Variants in ZSWIM4 observed in about 807,000 individuals in gnomAD.
ZSWIM4 encodes the protein zinc finger SWIM-type containing 4, also known as zinc finger SWIM domain-containing protein 4.
ZSWIM4 carries 62 observed loss-of-function variants against 102.5 expected under a neutral mutation model. The ratio of observed to expected loss-of-function variants is 0.60; its 90% CI spans 0.49 to 0.75. The LOEUF (loss-of-function observed/expected upper bound fraction) is 0.75. Among genes scored for constraint, ZSWIM4 ranks in the 30% least tolerant of loss-of-function variants. The probability of loss-of-function intolerance (pLI) is 0.00; values close to 1 mark genes in which losing one functional copy is unlikely to be tolerated. For synonymous variants in ZSWIM4, 652 were observed against 674.5 expected, an observed-to-expected ratio of 0.97 and a Z score of 0.52; for missense variants, 1,280 against 1,529.6, an observed-to-expected ratio of 0.84 and a Z score of 2.72.
intron 2 of ZSWIM4, among the ~76,000 whole-genome samples, chr19:13,802,894 A>G (rs535062834): frequency 4.7e-4 from 72 of 152,278 alleles, no homozygotes; most frequent in African/African-American, 1.7e-3. Flanking sequence ...TCAGGTTAAG[A>G]TCAGCTGTGA....
chr19:13,811,964 A>G (rs1326296967), intron 5 of ZSWIM4, among the ~76,000 whole-genome samples: 4 of 151,830 alleles, frequency 2.6e-5, no homozygotes, highest in African/African-American at 9.7e-5. Flanking sequence ...AATCCCAGCT[A>G]CTTGGGAGGC....
chr19:13,830,603 C>T lies in ZSWIM4; in HGVS notation c.2874C>T (p.His958=). ...GCATCGCCTTCAACCAGGACAGCCA[C>T]CCTGCCGTCAACGACGTGCTTTGGG... ...QLSIAFNQDS[H]PAVNDVLWAC... Residue 958 remains histidine, a synonymous_variant, in exon 14 of 14, where the codon CAC becomes CAT. Transcript: ENST00000590508. 1 of 1,600,002 alleles carries T rather than the reference C, an allele frequency of 6.2e-7. No individual in the cohort carries two copies. Among genetic ancestry groups the T allele is most frequent in the East Asian group, 2.2e-5 (1 of 44,876 alleles).
At position 13,799,726 on chromosome 19, in the gene ZSWIM4, G is replaced by C; in HGVS notation, c.160G>C (p.Glu54Gln). The change falls in exon 2 of 14, where the codon GAG becomes CAG. Residue 54 changes from glutamate to glutamine, a missense_variant. By Grantham distance (29) the Glu-to-Gln change is conservative (BLOSUM62 2). Transcript: ENST00000590508. ...AESWAFEQVEERFSRVPEPVQ... is the reference protein window; with the variant it reads ...AESWAFEQVEQRFSRVPEPVQ... ...CCACTGGCCCTTCCTACAGGTGGAG[G>C]AGCGGTTCTCCCGGGTGCCTGAGCC... is the stretch of plus-strand genomic sequence containing the variant. The C allele has an allele frequency of 6.2e-7, 1 of 1,613,974 alleles. No homozygotes were observed. The highest frequency in any genetic ancestry group is 8.5e-7 in the Non-Finnish European group (1 of 1,179,986).
chr19:13,821,576 C>T (rs957204667), intron 10 of ZSWIM4, among the ~76,000 whole-genome samples: 4 of 152,232 alleles, frequency 2.6e-5, no homozygotes, highest in Admixed American at 6.5e-5. Flanking sequence ...GAGACAGTCT[C>T]GCTCCATTGC....
At chr19:13,820,456 G>C (rs141679648) in intron 10 of ZSWIM4, among the ~76,000 whole-genome samples, 1 of 152,084 alleles carries the variant, frequency 6.6e-6, no homozygotes, top group Non-Finnish European at 1.5e-5. Flanking sequence ...GGCTGGTCTC[G>C]AATTTCTGAG....
intron 11 of ZSWIM4, among the ~76,000 whole-genome samples, chr19:13,824,092 A>G (rs1279988611): frequency 6.7e-6 from 1 of 148,704 alleles, no homozygotes; most frequent in Non-Finnish European, 1.5e-5. Context: ...AAGGAGAGAT[A>G]GTAGGGGGGG....
At chr19:13,819,839 T>C (rs541569428) in intron 10 of ZSWIM4, among the ~76,000 whole-genome samples, 14 of 150,000 alleles carry the variant, frequency 9.3e-5, no homozygotes, top group African/African-American at 3.2e-4. Context: ...AGCTAATTTT[T>C]GTTTTTTGTT....
chr19:13,813,130 C>T lies in ZSWIM4; in HGVS notation c.1146C>T (p.Gly382=). The change falls in exon 6 of 14, where the codon GGC becomes GGT. Residue 382 remains glycine, a synonymous_variant. Coordinates refer to ENST00000590508, the MANE Select transcript of ZSWIM4 (RefSeq NM_001367834.3). The part of the protein sequence containing the change: ...PLEEGNYSFD[G]PSLQPTMAPA... Reference sequence around the variant, plus strand: ...AAGAGGGCAACTACTCCTTCGACGGCCCCAGCCTGCAGCCCACCATGGCCC... The same window carrying T: ...AAGAGGGCAACTACTCCTTCGACGGTCCCAGCCTGCAGCCCACCATGGCCC... 2 of 1,613,460 alleles carry T rather than the reference C, an allele frequency of 1.2e-6. No individual in the cohort carries two copies. The highest frequency in any genetic ancestry group is 1.7e-6 in the Non-Finnish European group (2 of 1,179,622).
intron 5 of ZSWIM4, among the ~76,000 whole-genome samples, chr19:13,812,479 G>A (rs1350192307): frequency 1.4e-5 from 2 of 138,228 alleles, no homozygotes; most frequent in African/African-American, 5.6e-5. Context: ...TTTTTTTTGA[G>A]ATGGAGTTTT....
At chr19:13,815,540 A>G (rs113006362) in intron 7 of ZSWIM4, among the ~76,000 whole-genome samples, 2,596 of 129,178 alleles carry the variant, frequency 0.02, 76 homozygotes, top group African/African-American at 0.075. Context: ...GCGCAATCTC[A>G]GCTTACTGCA....
In ZSWIM4 at chr19:13,825,082, T is replaced by G. The variant is rs190065026; in HGVS notation, c.2216-468T>G. ...TTGAGATGGATATTACTCTATCATC[T>G]AGGCTGGAGTGCAGTGGTGCCATCT... On this transcript the variant is annotated intron_variant, in intron 11 of 13. Coordinates refer to ENST00000590508, the MANE Select transcript of ZSWIM4 (RefSeq NM_001367834.3). The surrounding 1 kb of genome is among the most constrained non-coding windows in gnomAD (Gnocchi z 4.6). 1.8e-3 allele frequency among the ~76,000 whole-genome samples: 268 copies of G among 151,040 alleles called. 1 individual carries two copies. The highest frequency in any genetic ancestry group is 1.4e-3 in the Non-Finnish European group (97 of 67,762).
rs189137867 is a variant in ZSWIM4, at chr19:13,817,661, G to A, written c.1670-61G>A. The A allele has an allele frequency of 2.5e-6, 4 of 1,581,540 alleles. No homozygotes were observed. In the Admixed American group the frequency reaches 5.6e-5, roughly 22 times the overall value. ...CCAGGTCTCCATGCTTGAGGCCAAG[G>A]GCTACAGGGACCTTAGGGAAGGGGA... On this transcript the variant is annotated intron_variant, in intron 8 of 13. Coordinates refer to ENST00000590508, the MANE Select transcript of ZSWIM4 (RefSeq NM_001367834.3).
Position 13,812,993 on chromosome 19 carries a change from T to G in ZSWIM4, c.1013-4T>G. ...AATATTGAGCCTGCCCCGTGCCTCC[T>G]CAGGGGCCCTGTGGGTTTGCGTCGT... On this transcript the variant is annotated splice_region_variant and splice_polypyrimidine_tract_variant and intron_variant, in intron 5 of 13. Transcript: ENST00000590508. 6.2e-7 allele frequency: 1 copy of G among 1,603,496 alleles called. No homozygotes were observed. Among genetic ancestry groups the G allele is most frequent in the East Asian group, 2.2e-5 (1 of 44,550 alleles).
intron 5 of ZSWIM4, among the ~76,000 whole-genome samples, chr19:13,812,458 C>CTTTT (rs1169781960): frequency 8.5e-6 from 1 of 117,466 alleles, no homozygotes; most frequent in African/African-American, 3.4e-5. Context: ...GTAATCCCAA[C>CTTTT]TTTTTTTTTT....
At position 13,819,472 on chromosome 19, in the gene ZSWIM4, C is replaced by A; in HGVS notation, c.2040C>A (p.Arg680=). ...LLPHDPDLAY[R]LALRAMRLPI... is the part of the protein sequence containing the mutation. ...CTCATGACCCGGACCTGGCCTATCGCCTCGCGCTGCGAGCTATGAGGTGAG... is the reference window on the plus strand; with the variant it reads ...CTCATGACCCGGACCTGGCCTATCGACTCGCGCTGCGAGCTATGAGGTGAG... The change falls in exon 10 of 14, where the codon CGC becomes CGA. Residue 680 remains arginine, a synonymous_variant. Transcript: ENST00000590508. 1 of 1,604,800 alleles carries A rather than the reference C, an allele frequency of 6.2e-7. No individual in the cohort carries two copies.
At chr19:13,828,120 A>G (rs375708954) in intron 12 of ZSWIM4, among the ~76,000 whole-genome samples, 2 of 152,178 alleles carry the variant, frequency 1.3e-5, no homozygotes, top group African/African-American at 4.8e-5. Context: ...ACTTCTCACA[A>G]CAATCAGGCT....
At position 13,809,125 on chromosome 19, in the gene ZSWIM4, T is replaced by C; in HGVS notation, c.917T>C (p.Met306Thr). The part of the protein sequence containing the change: ...DSNGARMLIL[M>T]TEQFLQDTRL... ...AACGGGGCGCGCATGCTGATTCTCA[T>C]GACCGAGCAGTTCCTGCAGGACACG... Residue 306 changes from methionine (M) to threonine (T), a missense_variant, in exon 5 of 14, where the codon ATG (methionine) becomes ACG (threonine). Physicochemically the swap from Met to Thr is moderately conservative, Grantham distance 81. Transcript: ENST00000590508. The surrounding 1 kb of genome is among the most constrained non-coding windows in gnomAD (Gnocchi z 4.2). 1 of 1,613,852 alleles carries C rather than the reference T, an allele frequency of 6.2e-7. No homozygotes were observed. The highest frequency in any genetic ancestry group is 8.5e-7 in the Non-Finnish European group (1 of 1,179,846).
Position 13,817,729 on chromosome 19 carries a change from C to T in ZSWIM4, c.1677C>T (p.Gly559=). Residue 559 remains glycine (G), a synonymous_variant, in exon 9 of 14, where the codon GGC becomes GGT. Transcript: ENST00000590508. ...TGGCCCTGTCTCCCCCAGACTCAGG[C>T]CCCGAGAAGCGGAAGGTGGCCTACC... is the stretch of plus-strand genomic sequence containing the variant. ...EETLTLYPDS[G]PEKRKVAYQH... 6.2e-7 allele frequency: 1 copy of T among 1,608,164 alleles called. No homozygotes were observed. Among genetic ancestry groups the T allele is most frequent in the Non-Finnish European group, 8.5e-7 (1 of 1,178,108 alleles).
intron 2 of ZSWIM4, among the ~76,000 whole-genome samples, chr19:13,802,438 G>A (rs927953925): frequency 1.6e-4 from 24 of 151,822 alleles, no homozygotes; most frequent in African/African-American, 5.8e-4. Context: ...AAATTAGCCA[G>A]GTGTGGTGGC....
Sources: allele counts gnomAD v4.1 joint callset (sites outside exome capture counted in the v4.1 genomes callset), GRCh38; gene constraint gnomAD v4.1.1; non-coding constraint Gnocchi (gnomAD v3.1); transcripts MANE v1.5; gene names NCBI Gene and HGNC (gene_info 2026-07-23, HGNC 2026-07-21).